The following ARHGEF10 variants were observed in gnomAD, a reference collection of about 807,000 sequenced individuals.
ARHGEF10 encodes Rho guanine nucleotide exchange factor 10.
Under a neutral mutation model 147.4 loss-of-function variants are expected in ARHGEF10, and 140 were observed. That is an observed-to-expected ratio of 0.95 (90% CI 0.83 to 1.09). The LOEUF (loss-of-function observed/expected upper bound fraction) is 1.09, where lower values mean the gene tolerates loss of function less well. ARHGEF10 is among the 50% of genes least tolerant of loss of function. The pLI, the probability that ARHGEF10 is intolerant of heterozygous loss-of-function variation, is 0.00. For missense variants in ARHGEF10, 2,222 were observed against 1,752.7 expected, an observed-to-expected ratio of 1.27 and a Z score of -4.78; for synonymous variants, 902 against 695.8, an observed-to-expected ratio of 1.30 and a Z score of -4.67.
chr8:1,956,644 T>C, intron 28 of ARHGEF10, 105 bp from the exon 29 acceptor site: 3 of 1,209,328 alleles, frequency 2.5e-6, no homozygotes, highest in Non-Finnish European at 3.7e-6. Context: ...GCTTTGTTAT[T>C]TGGGCAGGGA....
intron 2 of ARHGEF10, among the ~76,000 whole-genome samples, chr8:1,857,162 G>A (rs190441577): frequency 1.3e-5 from 2 of 152,118 alleles, no homozygotes; most frequent in Admixed American, 6.5e-5. Flanking sequence ...GCTATATATC[G>A]GTGTTCATAT....
chr8:1,876,663 G>A lies in ARHGEF10; in HGVS notation c.772G>A (p.Glu258Lys), dbSNP rs758232476. The change falls in exon 8 of 29, where the codon GAA becomes AAA. Residue 258 changes from glutamate to lysine, a missense_variant. By Grantham distance (56) the Glu-to-Lys change is moderately conservative. Transcript: ENST00000349830. ...GWSSSEFESY[E>K]EQSDSECKNG... ...GAGTTCGAGTGAATTTGAAAGTTAC[G>A]AAGAGCAGAGTGACTCGGAGTGCAA... The A allele has an allele frequency of 5.6e-6, 9 of 1,614,218 alleles. No individual in the cohort carries two copies. The Admixed American group carries it at 1.0e-4, about 18-fold the overall frequency.
At chr8:1,921,016 C>T (rs1464473797) in intron 18 of ARHGEF10, among the ~76,000 whole-genome samples, 1 of 152,182 alleles carries the variant, frequency 6.6e-6, no homozygotes, top group African/African-American at 2.4e-5. Flanking sequence ...GAACTCTCGA[C>T]CTCAGGTGAT....
intron 7 of ARHGEF10, chr8:1,870,457 C>T (rs1807018977): frequency 1.3e-5 from 2 of 152,020 alleles, no homozygotes; most frequent in Admixed American, 1.3e-4. Flanking sequence ...AAAGTGCATC[C>T]TATTGCCAGT....
At chr8:1,945,917 G>GTGCTGGGAGGAGCCGCT in intron 27 of ARHGEF10, 3 of 615,674 alleles carry the variant, frequency 4.9e-6, no homozygotes, top group Middle Eastern at 3.7e-4. Context: ...GAGGAGCCGC[G>GTGCTGGGAGGAGCCGCT]TGGCAGTGCC....
intron 4 of ARHGEF10, among the ~76,000 whole-genome samples, chr8:1,862,559 G>A (rs540848960): frequency 2.0e-5 from 3 of 152,166 alleles, no homozygotes; most frequent in Non-Finnish European, 2.9e-5. Context: ...CCCGGAAGGC[G>A]GAGGAAAGAA....
At chr8:1,881,469 A>G (rs1271310092) in intron 9 of ARHGEF10, among the ~76,000 whole-genome samples, 1 of 152,188 alleles carries the variant, frequency 6.6e-6, no homozygotes, top group Non-Finnish European at 1.5e-5. Flanking sequence ...TGTCTGCGGC[A>G]TCGGGCGGGA....
At chr8:1,832,453 G>C (rs1803193099) in intron 1 of ARHGEF10, among the ~76,000 whole-genome samples, 1 of 150,234 alleles carries the variant, frequency 6.7e-6, no homozygotes, top group Non-Finnish European at 1.5e-5. Context: ...CAGAGACAGA[G>C]ACAGAGGCAG....
chr8:1,951,246 G>C (rs141447303), intron 27 of ARHGEF10, among the ~76,000 whole-genome samples: 3 of 152,256 alleles, frequency 2.0e-5, no homozygotes, highest in Non-Finnish European at 4.4e-5. Context: ...AGAGCGGTCA[G>C]CACTTCGGAG....
intron 21 of ARHGEF10, among the ~76,000 whole-genome samples, chr8:1,924,884 A>G (rs1225234587): frequency 1.3e-5 from 2 of 152,238 alleles, no homozygotes; most frequent in African/African-American, 4.8e-5. Context: ...ATCCCATAGC[A>G]TTATACCATG....
intron 2 of ARHGEF10, among the ~76,000 whole-genome samples, chr8:1,850,288 G>A (rs1279066137): frequency 6.5e-4 from 85 of 130,376 alleles, no homozygotes; most frequent in Admixed American, 2.4e-3. Flanking sequence ...TGGGGCGGCC[G>A]CGTGGGCATG....
chr8:1,842,092 G>GCCGAACCA (rs1371248566), intron 1 of ARHGEF10, among the ~76,000 whole-genome samples: 1 of 150,922 alleles, frequency 6.6e-6, no homozygotes, highest in African/African-American at 2.4e-5. Context: ...GCCGCGAGGC[G>GCCGAACCA]CCGAACCACG....
chr8:1,909,693 G>C (rs73544704), intron 18 of ARHGEF10, among the ~76,000 whole-genome samples: 1,796 of 152,302 alleles, frequency 0.012, 43 homozygotes, highest in African/African-American at 0.04. Context: ...GGGCTCCTTC[G>C]GGTTCGGGCC....
intron 17 of ARHGEF10, among the ~76,000 whole-genome samples, chr8:1,907,136 G>A (rs950687090): frequency 4.8e-4 from 73 of 152,338 alleles, no homozygotes; most frequent in African/African-American, 1.7e-3. Context: ...TCTAGAGGAT[G>A]CTTAGAATTG....
chr8:1,877,365 T>C (rs1807796062), intron 8 of ARHGEF10, among the ~76,000 whole-genome samples: 1 of 152,100 alleles, frequency 6.6e-6, no homozygotes, highest in Admixed American at 6.6e-5. Flanking sequence ...GTAGCTGGGA[T>C]TACAGGTGCC....
At chr8:1,876,307 G>A in intron 7 of ARHGEF10, 2 of 534,422 alleles carry the variant, frequency 3.7e-6, no homozygotes, top group Non-Finnish European at 6.7e-6. Context: ...ATAGCCAGGT[G>A]GTCCTCGGGG....
At chr8:1,879,154 T>C (rs1434262048) in intron 8 of ARHGEF10, among the ~76,000 whole-genome samples, 1 of 152,152 alleles carries the variant, frequency 6.6e-6, no homozygotes, top group African/African-American at 2.4e-5. Context: ...GTCTGTGACA[T>C]GAGAAATGCC....
intron 18 of ARHGEF10, among the ~76,000 whole-genome samples, chr8:1,910,332 C>T (rs1811264147): frequency 6.6e-6 from 1 of 152,224 alleles, no homozygotes; most frequent in Non-Finnish European, 1.5e-5. Flanking sequence ...ATTTGCAGAA[C>T]ATGATGTAAG....
intron 1 of ARHGEF10, among the ~76,000 whole-genome samples, chr8:1,833,414 GCAGAGACAGAGA>G (rs67976871): frequency 8.8e-5 from 13 of 147,226 alleles, no homozygotes; most frequent in African/African-American, 2.8e-4. Flanking sequence ...AGAGACAGAG[GCAGAGACAGAGA>G]CAGAGACAGA....
Sources: allele counts gnomAD v4.1 joint callset (sites outside exome capture counted in the v4.1 genomes callset), GRCh38; gene constraint gnomAD v4.1.1; transcripts MANE v1.5; gene names NCBI Gene and HGNC (gene_info 2026-07-23, HGNC 2026-07-21).